The following COL4A4 variants were observed in gnomAD, a reference collection of about 807,000 sequenced individuals.
COL4A4 encodes the protein collagen type IV alpha 4 chain, also known as collagen alpha-4(IV) chain.
Under a neutral mutation model 192.9 loss-of-function variants are expected in COL4A4, and 105 were observed. That is an observed-to-expected ratio of 0.54 (90% confidence interval 0.46 to 0.64). The LOEUF (loss-of-function observed/expected upper bound fraction) is 0.64. COL4A4 is among the 30% of genes least tolerant of loss of function. COL4A4 has a pLI of 0.00. For synonymous variants in COL4A4, 762 were observed against 769.9 expected, an observed-to-expected ratio of 0.99 and a Z score of 0.17; for missense variants, 1,967 against 2,169.3, an observed-to-expected ratio of 0.91 and a Z score of 1.85.
intron 3 of COL4A4, 104 bp from the exon 4 acceptor site, chr2:227,140,342 G>T: frequency 1.1e-6 from 1 of 876,440 alleles, no homozygotes; most frequent in Non-Finnish European, 1.9e-6. Flanking sequence ...TTGACTCCAT[G>T]AGAAGAAAAG....
intron 22 of COL4A4, among the ~76,000 whole-genome samples, chr2:227,086,428 C>T (rs1264992764): frequency 3.3e-5 from 5 of 151,920 alleles, no homozygotes; most frequent in African/African-American, 4.8e-5. Flanking sequence ...TCTTTCTTTC[C>T]CTTCCTTTTC....
At chr2:227,063,740 T>C (rs1024543096) in intron 25 of COL4A4, among the ~76,000 whole-genome samples, 5 of 151,970 alleles carry the variant, frequency 3.3e-5, no homozygotes, top group African/African-American at 1.2e-4. Flanking sequence ...AATGATAGTT[T>C]AAATGAGATA....
rs1421675989 is a variant in COL4A4, at chr2:227,022,282, C to G, written c.4091-109G>C. 8 of 1,253,648 alleles carry G rather than the reference C, an allele frequency of 6.4e-6. No homozygotes were observed. In the Admixed American group the frequency reaches 1.3e-4, roughly 21 times the overall value. 77.7% of individuals were successfully genotyped at this position (1,253,648 alleles called of 1,614,324 possible). ...TCTGACACTATACTGAAATTTAGTA[C>G]AAATTCAGTATAAAATTCAGTATAA... On this transcript the variant is annotated intron_variant, in intron 43 of 47. Transcript: ENST00000396625.
At chr2:227,091,811 G>A (rs898954084) in intron 20 of COL4A4, among the ~76,000 whole-genome samples, 12 of 151,956 alleles carry the variant, frequency 7.9e-5, no homozygotes, top group African/African-American at 1.4e-4. Flanking sequence ...TAGAAGAATC[G>A]CTTGAACCAG....
chr2:227,007,542 G>A lies in COL4A4; in HGVS notation c.4856C>T (p.Pro1619Leu). The A allele has an allele frequency of 6.2e-7, 1 of 1,613,276 alleles. No individual in the cohort carries two copies. Among genetic ancestry groups the A allele is most frequent in the Non-Finnish European group, 8.5e-7 (1 of 1,180,036 alleles). The change falls in exon 48 of 48, where the codon CCT becomes CTT. Residue 1619 changes from proline to leucine, a missense_variant. Physicochemically the swap from Pro to Leu is moderately conservative, Grantham distance 98. Transcript: ENST00000396625. ...TCTGAAATCTTCCAGGCAGCTGCCA[G>A]GTGACATAAGGGCCTGCCCTCCTCC... ...DQGGGQALMS[P>L]GSCLEDFRAA...
At chr2:227,145,423 G>A (rs370177299) in intron 2 of COL4A4, among the ~76,000 whole-genome samples, 4 of 152,130 alleles carry the variant, frequency 2.6e-5, no homozygotes, top group East Asian at 1.9e-4. Flanking sequence ...CTCCAGCCTG[G>A]GTAACAGAGT....
At chr2:227,001,619 A>ATCTT (rs1960983085), downstream of COL4A4, among the ~76,000 whole-genome samples, 1 of 152,196 alleles carries the variant, frequency 6.6e-6, no homozygotes, top group African/African-American at 2.4e-5. Context: ...TAAAAGTATT[A>ATCTT]TCTTTAGAAC....
At position 227,112,307 on chromosome 2, in the gene COL4A4, C is replaced by T. The variant is rs538075065; in HGVS notation, c.559-594G>A. ...TTTTGAGATGGAGTCTCGCTCTTGT[C>T]ACCCAGGCTGGAGTGCAGTGGCGCC... On this transcript the variant is annotated intron_variant, in intron 8 of 47. Coordinates refer to ENST00000396625, the MANE Select transcript of COL4A4 (RefSeq NM_000092.5). Among the ~76,000 whole-genome samples the T allele has an allele frequency of 4.7e-5, 7 of 149,390 alleles. No individual in the cohort carries two copies. The East Asian group carries it at 1.2e-3, about 25-fold the overall frequency.
intron 46 of COL4A4, among the ~76,000 whole-genome samples, chr2:227,009,801 C>T (rs576655585): frequency 3.3e-5 from 5 of 151,076 alleles, no homozygotes; most frequent in South Asian, 2.1e-4. Flanking sequence ...GAGCGGAGAG[C>T]GGAGAAGTGA....
At chr2:227,007,711 C>T in intron 47 of COL4A4, 123 bp from the exon 48 acceptor site, 1 of 1,351,948 alleles carries the variant, frequency 7.4e-7, no homozygotes. Flanking sequence ...CCATAAAGAA[C>T]AAAATACAAG....
At chr2:227,112,681 T>G (rs745612254) in intron 8 of COL4A4, among the ~76,000 whole-genome samples, 2 of 152,196 alleles carry the variant, frequency 1.3e-5, no homozygotes, top group Non-Finnish European at 2.9e-5. Flanking sequence ...AAAACTCTTA[T>G]GTCTCCTCCA....
At chr2:227,120,791 T>C (rs1017423712) in intron 5 of COL4A4, 5 of 523,718 alleles carry the variant, frequency 9.5e-6, no homozygotes, top group South Asian at 2.1e-5. Flanking sequence ...ATACAAAAAT[T>C]AGCTGGACAT....
At chr2:227,112,951 A>G (rs2061301071) in intron 8 of COL4A4, among the ~76,000 whole-genome samples, 1 of 151,990 alleles carries the variant, frequency 6.6e-6, no homozygotes, top group African/African-American at 2.4e-5. Context: ...CATTTTGTTT[A>G]TCCATTCATC....
At chr2:227,146,772 G>A (rs912587807) in intron 2 of COL4A4, among the ~76,000 whole-genome samples, 36 of 152,052 alleles carry the variant, frequency 2.4e-4, no homozygotes, top group African/African-American at 8.5e-4. Context: ...AGCCAGCAGT[G>A]GCCAGTTGCG....
chr2:227,129,152 C>T (rs537094843), intron 4 of COL4A4, among the ~76,000 whole-genome samples: 16 of 152,220 alleles, frequency 1.1e-4, no homozygotes, highest in African/African-American at 3.4e-4. Flanking sequence ...AGAAAGTCAT[C>T]CCTGTATCTA....
intron 25 of COL4A4, among the ~76,000 whole-genome samples, chr2:227,076,069 AT>A (rs775217245): frequency 3.3e-5 from 5 of 152,234 alleles, no homozygotes; most frequent in Admixed American, 1.3e-4. Flanking sequence ...GCCCAAAGTA[AT>A]TTATAGCTTC....
In COL4A4 at chr2:227,003,424, C is replaced by T. The variant is rs1053765153; in HGVS notation, c.*3901G>A. The T allele has an allele frequency of 1.3e-5, 2 of 152,170 alleles. No homozygotes were observed. Among genetic ancestry groups the T allele is most frequent in the African/African-American group, 4.8e-5 (2 of 41,434 alleles). The allele number at this position is 152,170 out of a possible 1,614,324, so 9.4% of individuals were successfully genotyped here. On this transcript the variant is annotated 3_prime_UTR_variant, in exon 48 of 48. Transcript: ENST00000396625. ...ACCCAGGATAACAGCTGAAAAATGA[C>T]TAAGCCAGATTTCAAACCTGGGTTC...
the COL4A4 span, among the ~76,000 whole-genome samples, chr2:226,977,683 A>G: frequency 1.3e-5 from 2 of 152,200 alleles, no homozygotes; most frequent in Non-Finnish European, 2.9e-5. Context: ...GATACACCCC[A>G]AATTATATAA....
At chr2:227,064,210 T>C (rs2150325609) in intron 25 of COL4A4, among the ~76,000 whole-genome samples, 1 of 152,262 alleles carries the variant, frequency 6.6e-6, no homozygotes, top group South Asian at 2.1e-4. Flanking sequence ...TAGACAGATA[T>C]CATCAAGAAA....
Sources: gnomAD v4.1 joint callset for allele counts (sites outside exome capture counted in the v4.1 genomes callset) on GRCh38, gnomAD v4.1.1 for gene constraint, MANE v1.5 for transcripts, NCBI Gene and HGNC (gene_info 2026-07-23, HGNC 2026-07-21) for gene names.